Variants in PDE4C observed in about 807,000 individuals in gnomAD.
PDE4C encodes the protein 3',5'-cyclic-AMP phosphodiesterase 4C.
A neutral mutation model predicts 63.9 loss-of-function variants in PDE4C; 50 were observed. That is an observed-to-expected ratio of 0.78 (90% CI 0.62 to 0.99). The LOEUF is 0.99. PDE4C is among the 50% of genes least tolerant of loss of function. PDE4C has a pLI of 0.00. For missense variants in PDE4C, 777 were observed against 899.1 expected (o/e 0.86, Z 1.74); for synonymous variants, 377 against 385.1 (o/e 0.98, Z 0.25).
intron 1 of PDE4C, among the ~76,000 whole-genome samples, chr19:18,244,807 C>A (rs1232124482): frequency 6.8e-6 from 1 of 148,146 alleles, no homozygotes; most frequent in African/African-American, 2.5e-5. Context: ...CCACAGTGAC[C>A]AGCTTTTTTT....
chr19:18,244,586 C>T (rs1969099085), intron 1 of PDE4C, among the ~76,000 whole-genome samples: 1 of 152,148 alleles, frequency 6.6e-6, no homozygotes, highest in Non-Finnish European at 1.5e-5. Context: ...GATCTTGGCT[C>T]ACCGCAACCT....
chr19:18,246,830 G>A (rs1401333668), intron 1 of PDE4C, among the ~76,000 whole-genome samples: 4 of 152,292 alleles, frequency 2.6e-5, no homozygotes, highest in African/African-American at 7.2e-5. Context: ...GGGAAGCTGA[G>A]GGAGGAGAAT....
At chr19:18,231,317 C>T (rs1968843363), upstream of PDE4C, among the ~76,000 whole-genome samples, 1 of 152,368 alleles carries the variant, frequency 6.6e-6, no homozygotes, top group Non-Finnish European at 1.5e-5. Context: ...ACCCAATCCA[C>T]CGCTCCTGCC....
At position 18,221,129 on chromosome 19, in the gene PDE4C, C is replaced by A. The variant is rs748436307; in HGVS notation, c.425G>T (p.Arg142Leu). ...CTTGGCTGCTCCTAGGCATTGCTGGCGGGCAAGGGCCGCCACGTTGCTCCG... is the reference window on the plus strand; with the variant it reads ...CTTGGCTGCTCCTAGGCATTGCTGGAGGGCAAGGGCCGCCACGTTGCTCCG... The change falls in exon 4 of 15, where the codon CGC becomes CTC. Residue 142 changes from arginine to leucine, a missense_variant. Transcript: ENST00000262805. 6 of 1,503,866 alleles carry A rather than the reference C, an allele frequency of 4.0e-6. No homozygotes were observed. The East Asian group carries it at 7.3e-5, about 18-fold the overall frequency. The allele number at this position is 1,503,866 out of a possible 1,614,324, so 93.2% of individuals were successfully genotyped here. A position where few individuals can be genotyped will look rare whatever the true frequency, so the allele number is the denominator to read the frequency against.
At chr19:18,241,842 G>A (rs995587322) in intron 1 of PDE4C, among the ~76,000 whole-genome samples, 7 of 152,302 alleles carry the variant, frequency 4.6e-5, no homozygotes, top group East Asian at 1.9e-4. Flanking sequence ...GAGCCATGGC[G>A]CTGGGCTTGT....
chr19:18,217,712 C>A (rs1968258753), intron 11 of PDE4C, among the ~76,000 whole-genome samples: 1 of 152,042 alleles, frequency 6.6e-6, no homozygotes, highest in Non-Finnish European at 1.5e-5. Flanking sequence ...GCCTGGGTAA[C>A]AGAGCGAAAC....
intron 12 of PDE4C, among the ~76,000 whole-genome samples, chr19:18,215,832 T>C (rs1968168763): frequency 8.5e-6 from 1 of 117,190 alleles, no homozygotes; most frequent in South Asian, 2.7e-4. Context: ...TTTTCTTTTC[T>C]TTTTTTTTTT....
In PDE4C at chr19:18,220,509, G is replaced by C; in HGVS notation, c.506C>G (p.Thr169Arg). 1.2e-6 allele frequency: 2 copies of C among 1,612,758 alleles called. No individual in the cohort carries two copies. The highest frequency in any genetic ancestry group is 8.5e-7 in the Non-Finnish European group (1 of 1,179,520). The change falls in exon 6 of 15, where the codon ACG (threonine) becomes AGG (arginine). Residue 169 changes from threonine (T) to arginine (R), a missense_variant. Thr to Arg is a moderately conservative substitution (Grantham distance 71). Transcript: ENST00000262805. The surrounding 1 kb of genome is among the most constrained non-coding windows in gnomAD (Gnocchi z 5.1). ...CGTCTCCAATGCCAGCTTCTGCCCC[G>C]TGTCCTCTGGGAGCCGAGGCAGTCA...
At chr19:18,247,962 C>G (rs1969159903) in intron 1 of PDE4C, among the ~76,000 whole-genome samples, 1 of 152,190 alleles carries the variant, frequency 6.6e-6, no homozygotes, top group South Asian at 2.1e-4. Flanking sequence ...AGCCCCTCCC[C>G]ACACCTGTCC....
chr19:18,226,482 G>A (rs572560506), upstream of PDE4C: 22 of 1,298,422 alleles, frequency 1.7e-5, no homozygotes, highest in African/African-American at 2.8e-4. Context: ...CAGCTGCGGG[G>A]GCGGGGCCCA....
upstream of PDE4C, among the ~76,000 whole-genome samples, chr19:18,248,540 TAGAG>T (rs981995713): frequency 1.6e-3 from 244 of 151,204 alleles, 1 homozygote; most frequent in African/African-American, 5.5e-3. Context: ...TTGCATATGA[TAGAG>T]TGAGAGAGAG....
Position 18,226,450 on chromosome 19 carries a change from G to A in PDE4C, c.-35C>T, listed in dbSNP as rs4808768. 425,497 of 1,355,866 alleles carry A rather than the reference G, an allele frequency of 0.31. 69,055 individuals are homozygous for A. The highest frequency in any genetic ancestry group is 0.33 in the Non-Finnish European group (349,644 of 1,058,842). The allele number at this position is 1,355,866 out of a possible 1,614,324, so 84.0% of individuals were successfully genotyped here. On this transcript the variant is annotated 5_prime_UTR_variant, in exon 1 of 15. Coordinates refer to ENST00000262805, the Ensembl canonical transcript of PDE4C. The stretch of plus-strand genomic sequence containing the variant: ...TGCGTGGAGGCTGGACCGAGCGCCG[G>A]CTGCGCGGGACCTTTTCTGGACAGC...
chr19:18,210,812 C>A, exon 15 of PDE4C: 1 of 1,483,240 alleles, frequency 6.7e-7, no homozygotes, highest in East Asian at 2.3e-5. Context: ...GATTGTCTCC[C>A]TAAATGGGTG....
upstream of PDE4C, among the ~76,000 whole-genome samples, chr19:18,230,156 G>T (rs1477388617): frequency 6.6e-6 from 1 of 152,184 alleles, no homozygotes; most frequent in Non-Finnish European, 1.5e-5. Context: ...GCAAGGCCAG[G>T]TCTGCCATGT....
At chr19:18,254,200 A>C in the PDE4C span, among the ~76,000 whole-genome samples, 20 of 152,268 alleles carry the variant, frequency 1.3e-4, no homozygotes, top group African/African-American at 4.6e-4. Context: ...GGGAGCTGGG[A>C]AGAACGCCCC....
At position 18,219,402 on chromosome 19, in the gene PDE4C, G is replaced by A. The variant is rs377117455; in HGVS notation, c.707-5C>T. 12 of 1,595,320 alleles carry A rather than the reference G, an allele frequency of 7.5e-6. No individual in the cohort carries two copies. The highest frequency in any genetic ancestry group is 3.4e-5 in the South Asian group (3 of 87,942). On this transcript the variant is annotated splice_region_variant and splice_polypyrimidine_tract_variant and intron_variant, in intron 7 of 14. Coordinates refer to ENST00000262805, the Ensembl canonical transcript of PDE4C. ...GCTCCACCTCGGTCTGCTGGTCTGC[G>A]GATGGGCCAGGGTGAAGCTCAGAGA...
exon 15 of PDE4C, chr19:18,211,199 C>G (rs779299888): frequency 1.2e-6 from 2 of 1,613,836 alleles, no homozygotes; most frequent in South Asian, 2.2e-5. Context: ...GCGTGTCCAG[C>G]AGGTCCTGTG....
rs777822748 is a variant in PDE4C, at chr19:18,221,226, A to AG, written c.375+34dup. On this transcript the variant is annotated intron_variant, in intron 3 of 14. Coordinates refer to ENST00000262805, the Ensembl canonical transcript of PDE4C. Reference sequence around the variant, plus strand: ...GGTGGGAAGGAGAGGCCGGATCCGGAGGGGGTCAGGGCAGGGAGGGCGGGG... The same window carrying AG: ...GGTGGGAAGGAGAGGCCGGATCCGGAGGGGGGTCAGGGCAGGGAGGGCGGGG... 20 of 1,029,450 alleles carry AG rather than the reference A, an allele frequency of 1.9e-5. No individual in the cohort carries two copies. The Admixed American group carries it at 2.8e-4, about 14-fold the overall frequency. The allele number at this position is 1,029,450 out of a possible 1,614,324, so 63.8% of individuals were successfully genotyped here.
upstream of PDE4C, among the ~76,000 whole-genome samples, chr19:18,235,620 C>T (rs1441806513): frequency 2.0e-5 from 3 of 152,152 alleles, no homozygotes; most frequent in African/African-American, 4.8e-5. Flanking sequence ...CCACTCCTAT[C>T]CCTGACAGTC....
Sources: gnomAD v4.1 joint callset for allele counts (sites outside exome capture counted in the v4.1 genomes callset) on GRCh38, gnomAD v4.1.1 for gene constraint, Gnocchi (gnomAD v3.1) non-coding constraint, MANE v1.5 for transcripts, NCBI Gene and HGNC (gene_info 2026-07-23, HGNC 2026-07-21) for gene names.